Variants in CUX1 observed in about 807,000 individuals in gnomAD.
CUX1 encodes the protein cut like homeobox 1, also known as protein CASP.
CUX1 carries 31 observed loss-of-function variants against 158.8 expected under a neutral mutation model. The ratio of observed to expected loss-of-function variants is 0.20; its 90% CI spans 0.15 to 0.26. The LOEUF (loss-of-function observed/expected upper bound fraction) is 0.26, where lower values mean the gene tolerates loss of function less well. Ranked by LOEUF, CUX1 falls within the 10% of genes least tolerant of loss-of-function variation. The pLI, the probability that CUX1 is intolerant of heterozygous loss-of-function variation, is 1.00. For missense variants in CUX1, 1,589 were observed against 2,014.6 expected, an observed-to-expected ratio of 0.79 and a Z score of 4.04; for synonymous variants, 879 against 862.1, an observed-to-expected ratio of 1.02 and a Z score of -0.34.
intron 1 of CUX1, among the ~76,000 whole-genome samples, chr7:101,860,786 C>CCTTCCT (rs1562938982): frequency 7.6e-5 from 5 of 65,576 alleles, no homozygotes; most frequent in Admixed American, 2.2e-4. Context: ...CCTTCCTTCC[C>CCTTCCT]TCCTTCCCCT....
chr7:102,142,528 G>C (rs1834568321), intron 8 of CUX1, among the ~76,000 whole-genome samples: 2 of 152,214 alleles, frequency 1.3e-5, no homozygotes, highest in Admixed American at 1.3e-4. Context: ...GGGAGGCTGA[G>C]GCAGGAGGAT....
intron 1 of CUX1, among the ~76,000 whole-genome samples, chr7:101,913,886 C>T (rs192556966): frequency 2.8e-4 from 43 of 152,274 alleles, no homozygotes; most frequent in East Asian, 1.9e-3. Flanking sequence ...CTTTCTTCCC[C>T]GCCTTCTTTC....
At chr7:102,138,896 C>T (rs111751352) in intron 8 of CUX1, among the ~76,000 whole-genome samples, 1 of 152,174 alleles carries the variant, frequency 6.6e-6, no homozygotes, top group African/African-American at 2.4e-5. Context: ...GCATTCTTCT[C>T]ATCACATTGT....
intron 2 of CUX1, among the ~76,000 whole-genome samples, chr7:101,939,060 TATATATA>T: frequency 2.7e-3 from 1 of 374 alleles, no homozygotes; most frequent in East Asian, 0.031. Flanking sequence ...AAAAAATACA[TATATATA>T]TATATATATA....
chr7:102,087,534 C>T (rs1347908579), intron 4 of CUX1, among the ~76,000 whole-genome samples: 1 of 152,076 alleles, frequency 6.6e-6, no homozygotes, highest in Non-Finnish European at 1.5e-5. Context: ...GAGCTGAGTT[C>T]GTGCCGTTGC....
intron 2 of CUX1, among the ~76,000 whole-genome samples, chr7:101,981,557 G>A (rs919064431): frequency 1.3e-5 from 2 of 151,974 alleles, no homozygotes; most frequent in Non-Finnish European, 2.9e-5. Flanking sequence ...GATATCCCAG[G>A]CATTCCCCAG....
chr7:102,084,858 CTTTTTTTT>C (rs60908109), intron 4 of CUX1, among the ~76,000 whole-genome samples: 8 of 56,054 alleles, frequency 1.4e-4, no homozygotes, highest in Admixed American at 2.9e-4. Context: ...ATTTTCCTTG[CTTTTTTTT>C]TTTTTTTTTT....
chr7:102,197,398 T>C (rs1794905824), intron 15 of CUX1, 93 bp downstream of exon 15: 1 of 1,395,700 alleles, frequency 7.2e-7, no homozygotes. Flanking sequence ...GTGTGCGTGA[T>C]GAAACATTTG....
chr7:102,022,371 ACT>A, intron 2 of CUX1, among the ~76,000 whole-genome samples: 1 of 152,050 alleles, frequency 6.6e-6, no homozygotes, highest in East Asian at 1.9e-4. Flanking sequence ...TAATCCCAGC[ACT>A]CTGGGAGGCT....
chr7:102,213,360 A>G, intron 20 of CUX1, among the ~76,000 whole-genome samples: 1 of 152,216 alleles, frequency 6.6e-6, no homozygotes, highest in South Asian at 2.1e-4. Flanking sequence ...CAAAACCTTG[A>G]GCTTCCAGAG....
intron 20 of CUX1, among the ~76,000 whole-genome samples, chr7:102,218,613 A>G (rs1671815770): frequency 6.6e-6 from 1 of 152,038 alleles, no homozygotes; most frequent in Non-Finnish European, 1.5e-5. Context: ...GCTTGAGCCC[A>G]GGAGGTCGAT....
intron 4 of CUX1, among the ~76,000 whole-genome samples, chr7:102,087,801 G>T (rs1208506948): frequency 6.6e-6 from 1 of 152,076 alleles, no homozygotes; most frequent in African/African-American, 2.4e-5. Context: ...AATTAAAAAT[G>T]AAATTATAAT....
intron 2 of CUX1, among the ~76,000 whole-genome samples, chr7:102,013,867 G>C (rs1487614597): frequency 6.6e-6 from 1 of 151,990 alleles, no homozygotes; most frequent in Non-Finnish European, 1.5e-5. Context: ...ACCATGCCTC[G>C]CTAATTTTTG....
intron 10 of CUX1, among the ~76,000 whole-genome samples, chr7:102,175,310 G>A (rs1792192030): frequency 6.6e-6 from 1 of 152,152 alleles, no homozygotes; most frequent in Non-Finnish European, 1.5e-5. Context: ...ACATTCCCTT[G>A]GCTGGTTTTA....
chr7:102,237,366 C>G (rs1389861034), intron 22 of CUX1, among the ~76,000 whole-genome samples: 1 of 151,914 alleles, frequency 6.6e-6, no homozygotes, highest in Admixed American at 6.6e-5. Flanking sequence ...TGCACGCAGC[C>G]TCGGTGTTCT....
At chr7:101,866,770 G>A (rs1351890257) in intron 1 of CUX1, among the ~76,000 whole-genome samples, 4 of 152,196 alleles carry the variant, frequency 2.6e-5, no homozygotes, top group African/African-American at 9.6e-5. Context: ...CTGAGTCAGT[G>A]TACACAATAC....
In CUX1 at chr7:102,110,653, C is replaced by A. The variant is rs138826484; in HGVS notation, c.531-1045C>A. Among the ~76,000 whole-genome samples the A allele has an allele frequency of 2.8e-3, 431 of 152,176 alleles. 1 individual carries two copies. The highest frequency in any genetic ancestry group is 1.0e-2 in the African/African-American group (415 of 41,526). On this transcript the variant is annotated intron_variant, in intron 6 of 23. Coordinates refer to ENST00000292535, the MANE Select transcript of CUX1 (RefSeq NM_181552.4). ...TCATAGTACACTATCATTTGTTATG[C>A]ATTAATTTCTATTATGCTATAGTGT...
Position 102,051,654 on chromosome 7 carries a change from C to CAAA in CUX1, c.190-18672_190-18670dup, listed in dbSNP as rs1299911064. 1.7e-4 allele frequency among the ~76,000 whole-genome samples: 15 copies of CAAA among 89,752 alleles called. No individual in the cohort carries two copies. The South Asian group carries it at 5.1e-3, about 30-fold the overall frequency. 58.9% of individuals were successfully genotyped at this position (89,752 alleles called of 152,430 possible). A position where few individuals can be genotyped will look rare whatever the true frequency, so the allele number is the denominator to read the frequency against. ...TGGGTGACAGAGCGAGACTCTGTCT[C>CAAA]AAAAAAAAAAAAAAAGGAACACAGT... On this transcript the variant is annotated intron_variant, in intron 3 of 23. Coordinates refer to ENST00000292535, the MANE Select transcript of CUX1 (RefSeq NM_181552.4).
rs1586206093 is a variant in CUX1 at position 102,205,151 on chromosome 7, G to A, written c.3111G>A (p.Gln1037=). 2 of 1,611,750 alleles carry A rather than the reference G, an allele frequency of 1.2e-6. No homozygotes were observed. Among genetic ancestry groups the A allele is most frequent in the Non-Finnish European group, 1.7e-6 (2 of 1,178,640 alleles). Residue 1037 remains glutamine (Q), a synonymous_variant, in exon 20 of 24, where the codon CAG becomes CAA. Transcript: ENST00000292535. Reference sequence around the variant, plus strand: ...TGACATCGCTCCAGGACCCGCTGCAGCAGGGCTGTGTGAGCTCAGGTAAGC... The same window carrying A: ...TGACATCGCTCCAGGACCCGCTGCAACAGGGCTGTGTGAGCTCAGGTAAGC... ...HSVTSLQDPL[Q]QGCVSSESTP...
Sources: allele counts gnomAD v4.1 joint callset (sites outside exome capture counted in the v4.1 genomes callset), GRCh38; gene constraint gnomAD v4.1.1; transcripts MANE v1.5; gene names NCBI Gene and HGNC (gene_info 2026-07-23, HGNC 2026-07-21).